Variants in WDR7 observed in about 807,000 individuals in gnomAD.
The protein encoded by WDR7 is WD repeat domain 7.
In WDR7, 46 loss-of-function variants were observed where a neutral mutation model predicts 169.4. That is an observed-to-expected ratio of 0.27 (90% CI 0.21 to 0.35). WDR7 has a LOEUF of 0.35. Among genes scored for constraint, WDR7 ranks in the 10% least tolerant of loss-of-function variants. WDR7 has a pLI of 1.00. For synonymous variants in WDR7, 612 were observed against 666.8 expected (o/e 0.92, Z 1.27); for missense variants, 1,534 against 1,859.3 (o/e 0.83, Z 3.22).
chr18:56,690,852 TA>T (rs2025552002), intron 7 of WDR7, among the ~76,000 whole-genome samples: 1 of 151,850 alleles, frequency 6.6e-6, no homozygotes, highest in Non-Finnish European at 1.5e-5. Context: ...GACATAGAAA[TA>T]AAACAGGGCT....
chr18:56,660,837 T>G (rs1395055153), intron 1 of WDR7, among the ~76,000 whole-genome samples: 1 of 152,128 alleles, frequency 6.6e-6, no homozygotes, highest in Admixed American at 6.6e-5. Flanking sequence ...AACTTGATAA[T>G]GGATTTAACA....
chr18:56,970,836 T>C (rs1330856617), intron 26 of WDR7, among the ~76,000 whole-genome samples: 1 of 152,222 alleles, frequency 6.6e-6, no homozygotes, highest in Admixed American at 6.5e-5. Context: ...TTTGGTTTTT[T>C]AGGGTAAATT....
In WDR7 at chr18:56,717,984, C is replaced by T. The variant is rs1198354064; in HGVS notation, c.1599C>T (p.Ile533=). 6.2e-7 allele frequency: 1 copy of T among 1,613,520 alleles called. No homozygotes were observed. Residue 533 remains isoleucine (I), a synonymous_variant, in exon 13 of 28, where the codon ATC becomes ATT. Coordinates refer to ENST00000254442, the MANE Select transcript of WDR7 (RefSeq NM_015285.3). ...ENCSARVQHC[I]CSVASDHSVG... Reference sequence around the variant, plus strand: ...TTCAGGCAAGAGTACAGCACTGCATCTGCTCTGTAGCCAGTGACCACTCAG... The same window carrying T: ...TTCAGGCAAGAGTACAGCACTGCATTTGCTCTGTAGCCAGTGACCACTCAG...
At chr18:56,868,127 A>G (rs1248760245) in intron 20 of WDR7, among the ~76,000 whole-genome samples, 1 of 152,204 alleles carries the variant, frequency 6.6e-6, no homozygotes, top group Non-Finnish European at 1.5e-5. Context: ...CACTTACAGT[A>G]AAGAAAGCAG....
intron 16 of WDR7, among the ~76,000 whole-genome samples, chr18:56,771,339 G>A (rs1014952043): frequency 2.0e-5 from 3 of 152,104 alleles, no homozygotes; most frequent in Admixed American, 6.5e-5. Context: ...TATATGTAAA[G>A]AGTAAAAATG....
intron 20 of WDR7, among the ~76,000 whole-genome samples, chr18:56,844,620 G>A (rs1179196946): frequency 6.6e-6 from 1 of 152,194 alleles, no homozygotes; most frequent in African/African-American, 2.4e-5. Context: ...AGAATAAAGA[G>A]CTACCGCTCT....
At chr18:56,750,018 T>C (rs750005954) in intron 14 of WDR7, among the ~76,000 whole-genome samples, 1 of 151,982 alleles carries the variant, frequency 6.6e-6, no homozygotes, top group Non-Finnish European at 1.5e-5. Flanking sequence ...TGTGTGTGTG[T>C]GTGCGTGTGT....
chr18:56,689,579 T>C (rs1417444249), intron 7 of WDR7, among the ~76,000 whole-genome samples: 1 of 152,214 alleles, frequency 6.6e-6, no homozygotes, highest in African/African-American at 2.4e-5. Flanking sequence ...TTGTCTTACA[T>C]ACCTTTGAAT....
At chr18:57,018,177 G>A (rs909610649) in intron 26 of WDR7, among the ~76,000 whole-genome samples, 26 of 152,292 alleles carry the variant, frequency 1.7e-4, no homozygotes, top group African/African-American at 5.5e-4. Flanking sequence ...AGGAAGGCTT[G>A]GCATTCTGTT....
At chr18:56,988,473 A>G (rs1430613759) in intron 26 of WDR7, among the ~76,000 whole-genome samples, 1 of 152,126 alleles carries the variant, frequency 6.6e-6, no homozygotes, top group African/African-American at 2.4e-5. Flanking sequence ...TAAACCCATA[A>G]GCTTTTATTT....
chr18:56,784,053 C>T (rs7233847), intron 19 of WDR7, among the ~76,000 whole-genome samples: 11,407 of 152,150 alleles, frequency 0.075, 1,057 homozygotes, highest in African/African-American at 0.22. Flanking sequence ...ATCTGGTCTA[C>T]GTTATTTCAT....
intron 20 of WDR7, among the ~76,000 whole-genome samples, chr18:56,839,787 G>T (rs182721825): frequency 4.6e-5 from 7 of 152,192 alleles, no homozygotes; most frequent in African/African-American, 1.7e-4. Context: ...ACTCAGCCAG[G>T]CGTGGTGGCT....
chr18:57,021,372 C>T (rs940987740), intron 27 of WDR7, among the ~76,000 whole-genome samples: 8 of 152,310 alleles, frequency 5.3e-5, no homozygotes, highest in Non-Finnish European at 7.3e-5. Flanking sequence ...GGCCTTCACA[C>T]TTGGTCCCTG....
Position 56,935,874 on chromosome 18 carries a change from C to T in WDR7, c.3800C>T (p.Pro1267Leu). ...CTCTCGCTCATTGCCACCGCCAGAC[C>T]ACCCGCCTTCATCACCACCATAGCC... ...HALSLIATAR[P>L]PAFITTIAKE... The change falls in exon 23 of 28, where the codon CCA (proline) becomes CTA (leucine). Residue 1267 changes from proline to leucine, a missense_variant. Physicochemically the swap from Pro to Leu is moderately conservative, Grantham distance 98 (BLOSUM62 -3). Transcript: ENST00000254442. 1.2e-6 allele frequency: 2 copies of T among 1,614,152 alleles called. No individual in the cohort carries two copies. The highest frequency in any genetic ancestry group is 1.3e-5 in the African/African-American group (1 of 75,060).
At chr18:56,984,223 G>A (rs1275092333) in intron 26 of WDR7, among the ~76,000 whole-genome samples, 2 of 152,154 alleles carry the variant, frequency 1.3e-5, no homozygotes, top group African/African-American at 4.8e-5. Flanking sequence ...AATGATGGAT[G>A]TGATGAATCA....
chr18:56,934,427 C>A (rs971224429), intron 22 of WDR7, among the ~76,000 whole-genome samples: 1 of 151,886 alleles, frequency 6.6e-6, no homozygotes, highest in African/African-American at 2.4e-5. Flanking sequence ...AGATGCCCAC[C>A]GATGCCTTCT....
chr18:56,993,967 G>A (rs975007905), intron 26 of WDR7, among the ~76,000 whole-genome samples: 1 of 151,200 alleles, frequency 6.6e-6, no homozygotes, highest in Non-Finnish European at 1.5e-5. Context: ...AAGTGTCATC[G>A]CTCATCTGTT....
chr18:56,964,658 G>A (rs2047382441), intron 26 of WDR7, among the ~76,000 whole-genome samples: 1 of 152,106 alleles, frequency 6.6e-6, no homozygotes, highest in Non-Finnish European at 1.5e-5. Flanking sequence ...AAAGTGCTGG[G>A]ACTACAGGCA....
intron 19 of WDR7, among the ~76,000 whole-genome samples, chr18:56,796,169 C>A (rs2044582663): frequency 6.6e-6 from 1 of 152,120 alleles, no homozygotes; most frequent in African/African-American, 2.4e-5. Flanking sequence ...ATAGTTCTCC[C>A]AGCTGGTGGA....
Sources: gnomAD v4.1 joint callset for allele counts (sites outside exome capture counted in the v4.1 genomes callset) on GRCh38, gnomAD v4.1.1 for gene constraint, MANE v1.5 for transcripts, NCBI Gene and HGNC (gene_info 2026-07-23, HGNC 2026-07-21) for gene names.